The following TBCK variants were observed in gnomAD, a reference collection of about 807,000 sequenced individuals.
TBCK encodes the protein TBC domain-containing protein kinase-like protein.
TBCK carries 99 observed loss-of-function variants against 113.4 expected under a neutral mutation model. The ratio of observed to expected loss-of-function variants is 0.87; its 90% CI spans 0.74 to 1.03. The LOEUF (loss-of-function observed/expected upper bound fraction) is 1.03, where lower values mean the gene tolerates loss of function less well. TBCK is among the 50% of genes least tolerant of loss of function. The pLI is 0.00. For synonymous variants in TBCK, 369 were observed against 370.8 expected (o/e 1.00, Z 0.05); for missense variants, 1,045 against 1,061.3 (o/e 0.98, Z 0.21).
intron 25 of TBCK, among the ~76,000 whole-genome samples, chr4:106,073,034 G>C (rs542146504): frequency 1.3e-5 from 2 of 152,056 alleles, no homozygotes; most frequent in Non-Finnish European, 2.9e-5. Flanking sequence ...CCTTGCGATG[G>C]GTTCGAACAT....
rs573348014 is a variant in TBCK, at chr4:106,170,503, G to A, written c.2235+592C>T. Among the ~76,000 whole-genome samples the A allele has an allele frequency of 2.4e-3, 361 of 151,942 alleles. 3 individuals carry two copies. The highest frequency in any genetic ancestry group is 7.7e-3 in the African/African-American group (320 of 41,490). On this transcript the variant is annotated intron_variant, in intron 23 of 25. Coordinates refer to ENST00000394708, the MANE Select transcript of TBCK (RefSeq NM_001163435.3). Reference sequence around the variant, plus strand: ...AACAAATGAATGTACCCATATATTTGGGGACATAAATAAAATCATAGAAAG... The same window carrying A: ...AACAAATGAATGTACCCATATATTTAGGGACATAAATAAAATCATAGAAAG...
intron 19 of TBCK, among the ~76,000 whole-genome samples, chr4:106,224,137 C>T (rs1014378094): frequency 6.6e-6 from 1 of 151,800 alleles, no homozygotes; most frequent in African/African-American, 2.4e-5. Flanking sequence ...AATATATCTG[C>T]AGGTAACAAG....
chr4:106,239,288 A>G (rs1759816675), intron 12 of TBCK, among the ~76,000 whole-genome samples: 1 of 152,086 alleles, frequency 6.6e-6, no homozygotes, highest in Admixed American at 6.6e-5. Context: ...AGCCTTGTGA[A>G]GGTCACAGCC....
At chr4:106,169,903 A>G (rs1053101439) in intron 23 of TBCK, among the ~76,000 whole-genome samples, 32 of 152,018 alleles carry the variant, frequency 2.1e-4, no homozygotes, top group African/African-American at 7.5e-4. Context: ...AGTTCACAAG[A>G]GGATTTGTGC....
chr4:106,119,446 A>C (rs1350713543), intron 23 of TBCK, among the ~76,000 whole-genome samples: 1 of 152,154 alleles, frequency 6.6e-6, no homozygotes, highest in Non-Finnish European at 1.5e-5. Flanking sequence ...GTGCTAGAAA[A>C]ACTGAATATC....
intron 19 of TBCK, among the ~76,000 whole-genome samples, chr4:106,214,184 A>C (rs1001035547): frequency 6.6e-6 from 1 of 152,156 alleles, no homozygotes; most frequent in African/African-American, 2.4e-5. Context: ...AAACTAACAA[A>C]CAGAAAGGAC....
At position 106,251,862 on chromosome 4, in the gene TBCK, A is replaced by G; in HGVS notation, c.597+4T>C. On this transcript the variant is annotated splice_donor_region_variant and intron_variant, in intron 6 of 25. Coordinates refer to ENST00000394708, the MANE Select transcript of TBCK (RefSeq NM_001163435.3). ...TTATTATATTAATATTTCTTTATACATACCACACAAAGCTCAAATAAAATG... is the reference window on the plus strand; with the variant it reads ...TTATTATATTAATATTTCTTTATACGTACCACACAAAGCTCAAATAAAATG... The G allele has an allele frequency of 2.5e-6, 4 of 1,586,244 alleles. No homozygotes were observed. In the South Asian group the frequency reaches 4.7e-5, roughly 19 times the overall value.
chr4:106,103,782 C>T (rs1056659216), intron 24 of TBCK, among the ~76,000 whole-genome samples: 16 of 152,124 alleles, frequency 1.1e-4, no homozygotes, highest in African/African-American at 2.9e-4. Context: ...CAAGTAAATA[C>T]CACACCTTCA....
chr4:106,046,536 C>T lies in TBCK; in HGVS notation c.*34G>A. The T allele has an allele frequency of 8.4e-7, 1 of 1,192,388 alleles. No homozygotes were observed. The highest frequency in any genetic ancestry group is 2.3e-5 in the East Asian group (1 of 42,766). 73.9% of individuals were successfully genotyped at this position (1,192,388 alleles called of 1,614,324 possible). On this transcript the variant is annotated 3_prime_UTR_variant, in exon 26 of 26. Coordinates refer to ENST00000394708, the MANE Select transcript of TBCK (RefSeq NM_001163435.3). ...AGAACTGTGCTGTTGGTGCTGATGC[C>T]ACACTAAGTTTTGGCAGTCACACTC...
intron 23 of TBCK, among the ~76,000 whole-genome samples, chr4:106,153,203 T>C (rs1159461228): frequency 6.6e-6 from 1 of 152,112 alleles, no homozygotes; most frequent in African/African-American, 2.4e-5. Context: ...CACTTATAGC[T>C]ATTAACTTCC....
intron 25 of TBCK, among the ~76,000 whole-genome samples, chr4:106,051,672 C>T: frequency 6.6e-6 from 1 of 151,842 alleles, no homozygotes; most frequent in East Asian, 1.9e-4. Flanking sequence ...TGATGCTTCA[C>T]ACAAATTAGG....
At chr4:106,271,751 C>CAA (rs749925685) in intron 3 of TBCK, among the ~76,000 whole-genome samples, 13 of 77,934 alleles carry the variant, frequency 1.7e-4, no homozygotes, top group East Asian at 1.5e-3. Flanking sequence ...GACTTTGTCC[C>CAA]AAAAAAAAAA....
intron 22 of TBCK, chr4:106,182,364 T>A (rs1752494781): frequency 6.6e-6 from 1 of 152,182 alleles, no homozygotes; most frequent in African/African-American, 2.4e-5. Context: ...CTTTATTTCT[T>A]TCTCTTGCCT....
rs1257294012 is a variant in TBCK at position 106,248,240 on chromosome 4, T to C, written c.782+5A>G. The C allele has an allele frequency of 1.9e-6, 3 of 1,580,198 alleles. No homozygotes were observed. The highest frequency in any genetic ancestry group is 2.4e-5 in the South Asian group (2 of 84,764). On this transcript the variant is annotated splice_donor_5th_base_variant and intron_variant, in intron 9 of 25. Coordinates refer to ENST00000394708, the MANE Select transcript of TBCK (RefSeq NM_001163435.3). ...ATGTAATCCCAATCTCTAAATAATATCAACCTCTTAGAAGGATGGAAGGTA... is the reference window on the plus strand; with the variant it reads ...ATGTAATCCCAATCTCTAAATAATACCAACCTCTTAGAAGGATGGAAGGTA...
chr4:106,157,682 G>T (rs1187520918), intron 23 of TBCK, among the ~76,000 whole-genome samples: 1 of 152,070 alleles, frequency 6.6e-6, no homozygotes, highest in Non-Finnish European at 1.5e-5. Context: ...GCAAGGGGTG[G>T]TATTGGTGAT....
chr4:106,247,364 A>C, intron 9 of TBCK, 77 bp from the exon 10 acceptor site: 4 of 1,391,460 alleles, frequency 2.9e-6, no homozygotes, highest in Non-Finnish European at 4.0e-6. Context: ...CATTCAAGAG[A>C]ATGGATAAAA....
intron 7 of TBCK, among the ~76,000 whole-genome samples, chr4:106,249,455 C>T (rs1761194062): frequency 6.6e-6 from 1 of 152,146 alleles, no homozygotes; most frequent in Non-Finnish European, 1.5e-5. Flanking sequence ...GTGGGGCTGA[C>T]TGTGGAACTT....
At chr4:106,165,154 G>C (rs1412468571) in intron 23 of TBCK, among the ~76,000 whole-genome samples, 1 of 151,590 alleles carries the variant, frequency 6.6e-6, no homozygotes, top group Non-Finnish European at 1.5e-5. Flanking sequence ...CAAAGATTAA[G>C]TAGAGATTTT....
At chr4:106,251,160 C>A in intron 6 of TBCK, 1 of 387,638 alleles carries the variant, frequency 2.6e-6, no homozygotes, top group Non-Finnish European at 5.2e-6. Flanking sequence ...ATTTGGCAAA[C>A]TACTTAATAC....
Sources: allele counts gnomAD v4.1 joint callset (sites outside exome capture counted in the v4.1 genomes callset), GRCh38; gene constraint gnomAD v4.1.1; transcripts MANE v1.5; gene names NCBI Gene and HGNC (gene_info 2026-07-23, HGNC 2026-07-21).